NFKB1: variants seen among roughly 807,000 people sequenced by gnomAD.
NFKB1 encodes the protein nuclear factor kappa B subunit 1.
A neutral mutation model predicts 105.1 loss-of-function variants in NFKB1; 9 were observed. The ratio of observed to expected loss-of-function variants is 0.09; its 90% CI spans 0.05 to 0.15. The LOEUF is 0.15. Ranked by LOEUF, NFKB1 falls within the 10% of genes least tolerant of loss-of-function variation. The probability of loss-of-function intolerance (pLI) is 1.00; values close to 1 mark genes in which losing one functional copy is unlikely to be tolerated. For synonymous variants in NFKB1, 440 were observed against 442.2 expected (o/e 1.00, Z 0.06); for missense variants, 830 against 1,203.7 (o/e 0.69, Z 4.59).
chr4:102,523,188 T>C (rs1740678876), intron 1 of NFKB1, among the ~76,000 whole-genome samples: 2 of 152,200 alleles, frequency 1.3e-5, no homozygotes, highest in South Asian at 4.1e-4. Flanking sequence ...AACTCTTAAA[T>C]TTCAAGCGAC....
intron 11 of NFKB1, among the ~76,000 whole-genome samples, chr4:102,586,179 A>G (rs531073133): frequency 6.6e-6 from 1 of 152,212 alleles, no homozygotes; most frequent in South Asian, 2.1e-4. Flanking sequence ...ATGAAAGGAG[A>G]TGGTGGACTT....
At chr4:102,508,825 G>C (rs1054112243) in intron 1 of NFKB1, among the ~76,000 whole-genome samples, 1 of 152,064 alleles carries the variant, frequency 6.6e-6, no homozygotes, top group African/African-American at 2.4e-5. Flanking sequence ...CTTAAACTTT[G>C]TTATCAACTT....
Position 102,567,067 on chromosome 4 carries a change from C to G in NFKB1, c.339C>G (p.Ser113Arg). ...AAAATATCCACCTGCATGCCCACAG[C>G]CTGGTGGGAAAACACTGTGAGGATG... ...NGKNIHLHAH[S>R]LVGKHCEDGI... The change falls in exon 6 of 24, where the codon AGC becomes AGG. Residue 113 changes from serine (S) to arginine (R), a missense_variant. Ser to Arg is a moderately radical substitution (Grantham distance 110, BLOSUM62 -1). Transcript: ENST00000226574. The G allele has an allele frequency of 6.2e-7, 1 of 1,613,918 alleles. No homozygotes were observed. The highest frequency in any genetic ancestry group is 8.5e-7 in the Non-Finnish European group (1 of 1,179,838).
intron 5 of NFKB1, among the ~76,000 whole-genome samples, chr4:102,543,461 G>C (rs1457023046): frequency 6.6e-6 from 1 of 152,140 alleles, no homozygotes; most frequent in Admixed American, 6.6e-5. Context: ...GCTGATAGAA[G>C]TGTAACTATT....
At chr4:102,579,944 A>C (rs1725191079) in intron 8 of NFKB1, among the ~76,000 whole-genome samples, 1 of 151,942 alleles carries the variant, frequency 6.6e-6, no homozygotes, top group African/African-American at 2.4e-5. Context: ...CTCATACCGC[A>C]GAATCACCTT....
Position 102,612,451 on chromosome 4 carries a change from G to T in NFKB1, c.2437G>T (p.Ala813Ser). 1 of 1,612,992 alleles carries T rather than the reference G, an allele frequency of 6.2e-7. No homozygotes were observed. Among genetic ancestry groups the T allele is most frequent in the Non-Finnish European group, 8.5e-7 (1 of 1,180,002 alleles). Reference sequence around the variant, plus strand: ...TCCTTCAGGAGACATGAAACAGCTGGCTGAAGATGTGAAGCTGCAGCTGTA... The same window carrying T: ...TCCTTCAGGAGACATGAAACAGCTGTCTGAAGATGTGAAGCTGCAGCTGTA... ...LLAQGDMKQL[A>S]EDVKLQLYKL... The change falls in exon 22 of 24, where the codon GCT becomes TCT. Residue 813 changes from alanine (A) to serine (S), a missense_variant. By Grantham distance (99) the Ala-to-Ser change is moderately conservative. Transcript: ENST00000226574.
intron 15 of NFKB1, among the ~76,000 whole-genome samples, chr4:102,599,068 T>C (rs1323513179): frequency 6.6e-6 from 1 of 152,158 alleles, no homozygotes; most frequent in African/African-American, 2.4e-5. Flanking sequence ...ATAGAAAATA[T>C]AATAAAGAAA....
intron 11 of NFKB1, 195 bp from the exon 12 acceptor site, chr4:102,593,230 G>C (rs535563306): frequency 2.5e-4 from 125 of 509,394 alleles, no homozygotes; most frequent in Non-Finnish European, 3.9e-4. Context: ...TGGTCTCTCT[G>C]GAGCTAACTT....
Position 102,616,440 on chromosome 4 carries a change from T to G in NFKB1, c.2756T>G (p.Leu919Arg). The change falls in exon 24 of 24, where the codon CTC (leucine) becomes CGC (arginine). Residue 919 changes from leucine to arginine, a missense_variant. Transcript: ENST00000226574. Reference protein sequence around the residue: ...PASTRQQIDELRDSDSVCDSG... With the variant: ...PASTRQQIDERRDSDSVCDSG... ...TTGTGCTTTCTCCCCTCAGACGAGC[T>G]CCGAGACAGTGACAGTGTCTGCGAC... 2 of 1,613,944 alleles carry G rather than the reference T, an allele frequency of 1.2e-6. No individual in the cohort carries two copies. Among genetic ancestry groups the G allele is most frequent in the Non-Finnish European group, 8.5e-7 (1 of 1,179,992 alleles).
At chr4:102,599,870 ATT>A (rs2149211922) in intron 15 of NFKB1, among the ~76,000 whole-genome samples, 1 of 150,854 alleles carries the variant, frequency 6.6e-6, no homozygotes, top group Non-Finnish European at 1.5e-5. Flanking sequence ...AATGATTGTT[ATT>A]GTTATTGTTT....
At chr4:102,538,405 C>T (rs1021277740) in intron 5 of NFKB1, among the ~76,000 whole-genome samples, 6 of 152,084 alleles carry the variant, frequency 3.9e-5, no homozygotes, top group African/African-American at 1.4e-4. Context: ...TAGGTTTAAC[C>T]AATACTTCTA....
chr4:102,548,891 C>T (rs1489117688), intron 5 of NFKB1, among the ~76,000 whole-genome samples: 2 of 152,186 alleles, frequency 1.3e-5, no homozygotes, highest in Non-Finnish European at 2.9e-5. Flanking sequence ...TATGTGACCT[C>T]ATCTTAACTA....
intron 5 of NFKB1, among the ~76,000 whole-genome samples, chr4:102,561,529 A>C (rs1046620354): frequency 1.3e-5 from 2 of 152,160 alleles, no homozygotes; most frequent in East Asian, 1.9e-4. Flanking sequence ...ACTATGAAAC[A>C]CTGAGGAGAC....
rs1211213470 is a variant in NFKB1, at chr4:102,582,899, A to G, written c.869A>G (p.Glu290Gly). Residue 290 changes from glutamate (E) to glycine (G), a missense_variant, in exon 10 of 24, where the codon GAA becomes GGA. By Grantham distance (98) the Glu-to-Gly change is moderately conservative. Coordinates refer to ENST00000226574, the MANE Select transcript of NFKB1 (RefSeq NM_003998.4). ...DIQIRFYEEEENGGVWEGFGD... is the reference protein window; with the variant it reads ...DIQIRFYEEEGNGGVWEGFGD... ...CAGATTCGATTTTATGAAGAGGAAGAAAATGGTGGAGTCTGGGAAGGATTT... is the reference window on the plus strand; with the variant it reads ...CAGATTCGATTTTATGAAGAGGAAGGAAATGGTGGAGTCTGGGAAGGATTT... 3 of 1,612,338 alleles carry G rather than the reference A, an allele frequency of 1.9e-6. No homozygotes were observed. Among genetic ancestry groups the G allele is most frequent in the Admixed American group, 3.3e-5 (2 of 59,946 alleles).
chr4:102,510,710 T>C (rs961573666), intron 1 of NFKB1, among the ~76,000 whole-genome samples: 1 of 152,226 alleles, frequency 6.6e-6, no homozygotes, highest in African/African-American at 2.4e-5. Context: ...TCTCTCGCAT[T>C]CATATTTCTC....
At chr4:102,585,264 G>A (rs925911894) in intron 11 of NFKB1, among the ~76,000 whole-genome samples, 3 of 152,150 alleles carry the variant, frequency 2.0e-5, no homozygotes, top group African/African-American at 7.2e-5. Context: ...CAGCTTTCTA[G>A]TAACAGGTCC....
At chr4:102,546,001 C>G (rs868725201) in intron 5 of NFKB1, among the ~76,000 whole-genome samples, 21 of 152,050 alleles carry the variant, frequency 1.4e-4, no homozygotes, top group African/African-American at 4.6e-4. Context: ...GCCTATAATC[C>G]CAACACTTTT....
At chr4:102,509,651 C>T (rs577730882) in intron 1 of NFKB1, among the ~76,000 whole-genome samples, 85 of 152,258 alleles carry the variant, frequency 5.6e-4, no homozygotes, top group African/African-American at 1.8e-3. Flanking sequence ...GTATCCCCAG[C>T]ACATTAGGGA....
chr4:102,517,808 C>T (rs540288716), intron 1 of NFKB1, among the ~76,000 whole-genome samples: 3 of 152,204 alleles, frequency 2.0e-5, no homozygotes, highest in African/African-American at 7.2e-5. Flanking sequence ...TGGAAATGAG[C>T]AAGTCATTCT....
Sources: gnomAD v4.1 joint callset for allele counts (sites outside exome capture counted in the v4.1 genomes callset) on GRCh38, gnomAD v4.1.1 for gene constraint, MANE v1.5 for transcripts, NCBI Gene and HGNC (gene_info 2026-07-23, HGNC 2026-07-21) for gene names.